PDE4D: variants seen among roughly 807,000 people sequenced by gnomAD.
The protein encoded by PDE4D is phosphodiesterase 4D, also known as 3',5'-cyclic-AMP phosphodiesterase 4D.
Under a neutral mutation model 87.4 loss-of-function variants are expected in PDE4D, and 24 were observed. That is an observed-to-expected ratio of 0.27 (90% confidence interval 0.20 to 0.39). The LOEUF (loss-of-function observed/expected upper bound fraction) is 0.39. Among genes scored for constraint, PDE4D ranks in the 10% least tolerant of loss-of-function variants. The pLI, the probability that PDE4D is intolerant of heterozygous loss-of-function variation, is 1.00. For synonymous variants in PDE4D, 384 were observed against 383.2 expected (o/e 1.00, Z -0.02); for missense variants, 714 against 1,041.0 (o/e 0.69, Z 4.32).
At chr5:59,967,914 C>T (rs1323818693) in intron 3 of PDE4D, among the ~76,000 whole-genome samples, 2 of 150,586 alleles carry the variant, frequency 1.3e-5, no homozygotes, top group African/African-American at 4.9e-5. Context: ...TACTATGCAA[C>T]CCCAAAACAG....
chr5:59,312,763 G>A (rs1772946216), intron 1 of PDE4D, among the ~76,000 whole-genome samples: 1 of 152,106 alleles, frequency 6.6e-6, no homozygotes, highest in Non-Finnish European at 1.5e-5. Context: ...ACTGAGATCT[G>A]GACAAGGAGG....
chr5:59,686,414 G>C (rs1233200076), intron 1 of PDE4D, among the ~76,000 whole-genome samples: 1 of 152,102 alleles, frequency 6.6e-6, no homozygotes, highest in Non-Finnish European at 1.5e-5. Flanking sequence ...TGTTGGAGCT[G>C]AAGTTTTCAC....
chr5:59,561,947 AT>A (rs928842585), intron 1 of PDE4D, among the ~76,000 whole-genome samples: 2 of 144,690 alleles, frequency 1.4e-5, no homozygotes, highest in African/African-American at 5.1e-5. Flanking sequence ...AAAAAAAAAA[AT>A]TAAATAAAAT....
chr5:59,281,365 T>C (rs1256986602), intron 1 of PDE4D, among the ~76,000 whole-genome samples: 1 of 152,122 alleles, frequency 6.6e-6, no homozygotes, highest in Non-Finnish European at 1.5e-5. Flanking sequence ...TTTGAGTGAC[T>C]TTTTAAAGAA....
chr5:59,948,963 T>C (rs780907975), intron 3 of PDE4D, among the ~76,000 whole-genome samples: 23 of 152,230 alleles, frequency 1.5e-4, no homozygotes, highest in Non-Finnish European at 2.4e-4. Flanking sequence ...ACATATTCTC[T>C]CATTTCATCC....
chr5:59,904,202 A>C (rs1264374547), intron 3 of PDE4D, among the ~76,000 whole-genome samples: 1 of 152,156 alleles, frequency 6.6e-6, no homozygotes, highest in Non-Finnish European at 1.5e-5. Context: ...CATTTTACAT[A>C]TGTATAGATA....
intron 3 of PDE4D, among the ~76,000 whole-genome samples, chr5:59,925,649 A>G (rs139683306): frequency 6.6e-6 from 1 of 152,202 alleles, no homozygotes; most frequent in African/African-American, 2.4e-5. Flanking sequence ...ACACACATGT[A>G]CTGAAAATAA....
intron 3 of PDE4D, among the ~76,000 whole-genome samples, chr5:59,944,549 T>G (rs1270632127): frequency 6.6e-6 from 1 of 152,096 alleles, no homozygotes; most frequent in Non-Finnish European, 1.5e-5. Flanking sequence ...TTTTTTGTAT[T>G]TTTAGTAGAG....
At chr5:59,868,665 A>C (rs1204515814) in intron 1 of PDE4D, among the ~76,000 whole-genome samples, 3 of 152,196 alleles carry the variant, frequency 2.0e-5, no homozygotes, top group African/African-American at 7.2e-5. Flanking sequence ...CTGTCCTAAA[A>C]CATGAGTTCA....
At chr5:60,050,693 T>G (rs537605469) in intron 2 of PDE4D, among the ~76,000 whole-genome samples, 24 of 152,228 alleles carry the variant, frequency 1.6e-4, no homozygotes, top group Non-Finnish European at 2.9e-4. Context: ...CAATATTAAC[T>G]TTAAATGTAA....
intron 1 of PDE4D, among the ~76,000 whole-genome samples, chr5:59,845,011 G>C (rs985659000): frequency 1.3e-5 from 2 of 152,074 alleles, no homozygotes; most frequent in Non-Finnish European, 2.9e-5. Flanking sequence ...AAGGGGCTGA[G>C]AGCTGCCCCA....
intron 1 of PDE4D, among the ~76,000 whole-genome samples, chr5:60,212,766 A>C (rs897883115): frequency 6.6e-6 from 1 of 152,200 alleles, no homozygotes; most frequent in African/African-American, 2.4e-5. Flanking sequence ...CTTTAAGTTG[A>C]TTTTCTGTAA....
chr5:59,881,257 T>C (rs1335039096), intron 1 of PDE4D, among the ~76,000 whole-genome samples: 1 of 152,184 alleles, frequency 6.6e-6, no homozygotes, highest in African/African-American at 2.4e-5. Flanking sequence ...GCCAGAGTAT[T>C]TATAATTTAT....
At chr5:59,792,306 C>T (rs1765882905) in intron 1 of PDE4D, among the ~76,000 whole-genome samples, 1 of 152,092 alleles carries the variant, frequency 6.6e-6, no homozygotes, top group Non-Finnish European at 1.5e-5. Flanking sequence ...CAATACGTGG[C>T]AACGCCTACA....
intron 2 of PDE4D, among the ~76,000 whole-genome samples, chr5:60,086,359 A>G (rs1474480221): frequency 6.6e-6 from 1 of 152,226 alleles, no homozygotes; most frequent in Non-Finnish European, 1.5e-5. Flanking sequence ...GAGCTTTAGA[A>G]ACAAAAGAAC....
chr5:60,339,409 A>G (rs1758113635), intron 1 of PDE4D, among the ~76,000 whole-genome samples: 2 of 152,182 alleles, frequency 1.3e-5, no homozygotes, highest in Admixed American at 6.5e-5. Context: ...CATGCTGGAC[A>G]AAGGGATGCT....
At chr5:60,151,170 G>A (rs939822353) in intron 2 of PDE4D, among the ~76,000 whole-genome samples, 3 of 152,094 alleles carry the variant, frequency 2.0e-5, no homozygotes, top group African/African-American at 7.2e-5. Context: ...AGTGTACTCA[G>A]CAAATAATTA....
intron 1 of PDE4D, among the ~76,000 whole-genome samples, chr5:60,308,456 C>T (rs970645859): frequency 1.3e-5 from 2 of 152,160 alleles, no homozygotes; most frequent in Non-Finnish European, 2.9e-5. Flanking sequence ...TCTAACGTTG[C>T]TGTAGACATT....
intron 2 of PDE4D, among the ~76,000 whole-genome samples, chr5:60,152,298 A>G (rs1407127548): frequency 6.6e-6 from 1 of 152,094 alleles, no homozygotes; most frequent in Non-Finnish European, 1.5e-5. Context: ...CCTCTTCTTC[A>G]TTTTTTGGGA....
Sources: gnomAD v4.1 joint callset for allele counts (sites outside exome capture counted in the v4.1 genomes callset) on GRCh38, gnomAD v4.1.1 for gene constraint, MANE v1.5 for transcripts, NCBI Gene and HGNC (gene_info 2026-07-23, HGNC 2026-07-21) for gene names.